The following SUPT3H variants were observed in gnomAD, a reference collection of about 807,000 sequenced individuals.
SUPT3H encodes the protein transcription initiation protein SPT3 homolog.
A neutral mutation model predicts 44.3 loss-of-function variants in SUPT3H; 44 were observed. That is an observed-to-expected ratio of 0.99 (90% CI 0.78 to 1.28). The LOEUF is 1.28. SUPT3H is among the 50% of genes most tolerant of loss of function. The pLI is 0.00. For synonymous variants in SUPT3H, 124 were observed against 125.6 expected, an observed-to-expected ratio of 0.99 and a Z score of 0.09; for missense variants, 380 against 387.1, an observed-to-expected ratio of 0.98 and a Z score of 0.15.
At chr6:45,347,429 A>G (rs1402925574) in intron 2 of SUPT3H, among the ~76,000 whole-genome samples, 1 of 152,170 alleles carries the variant, frequency 6.6e-6, no homozygotes, top group Non-Finnish European at 1.5e-5. Context: ...AAATACCTCA[A>G]CATAAATCAC....
chr6:45,334,856 TA>T (rs1235948901), intron 2 of SUPT3H, among the ~76,000 whole-genome samples: 3 of 151,230 alleles, frequency 2.0e-5, no homozygotes, highest in Non-Finnish European at 4.5e-5. Context: ...TGTCAATCTA[TA>T]AAACCAGTAA....
chr6:44,814,558 T>TGTAA (rs1227541318), intron 11 of SUPT3H, among the ~76,000 whole-genome samples: 1 of 152,228 alleles, frequency 6.6e-6, no homozygotes, highest in East Asian at 1.9e-4. Context: ...GTTCCCTGTC[T>TGTAA]GTAAGTCTTA....
chr6:45,186,201 C>T (rs1814185733), intron 2 of SUPT3H, among the ~76,000 whole-genome samples: 1 of 152,084 alleles, frequency 6.6e-6, no homozygotes, highest in Admixed American at 6.6e-5. Context: ...ACTCACCTAG[C>T]CCTCATGTTA....
In SUPT3H at chr6:44,930,921, TATACTA is replaced by T. The variant is rs576269299; in HGVS notation, c.912+1726_912+1731del. ...GCTAGCTTAAAGTGCATTTTTATCA[TATACTA>T]ATACTAACAGTCTTAGATTGTAAAA... On this transcript the variant is annotated intron_variant, in intron 10 of 10. Transcript: ENST00000371459. 2.2e-3 allele frequency among the ~76,000 whole-genome samples: 331 copies of T among 152,332 alleles called. 1 individual carries two copies. The highest frequency in any genetic ancestry group is 7.6e-3 in the African/African-American group (316 of 41,570).
At position 44,945,616 on chromosome 6, in the gene SUPT3H, C is replaced by A. The variant is rs139041887; in HGVS notation, c.801+7694G>T. Reference sequence around the variant, plus strand: ...GCCATGACATTTCCTTAAGTCAAAGCCTAATCCAGAGCAAGGTGCTAACTC... The same window carrying A: ...GCCATGACATTTCCTTAAGTCAAAGACTAATCCAGAGCAAGGTGCTAACTC... On this transcript the variant is annotated intron_variant, in intron 9 of 10. Transcript: ENST00000371459. Among the ~76,000 whole-genome samples, 261 of 152,226 alleles carry A rather than the reference C, an allele frequency of 1.7e-3. 1 individual carries two copies. Among genetic ancestry groups the A allele is most frequent in the Non-Finnish European group, 3.0e-3 (207 of 67,998 alleles).
intron 2 of SUPT3H, among the ~76,000 whole-genome samples, chr6:45,197,471 C>A (rs1285013): frequency 0.38 from 57,727 of 150,916 alleles, 11,618 homozygotes; most frequent in Non-Finnish European, 0.45. Context: ...AAACATTTTT[C>A]AAAGATCAGT....
chr6:45,351,167 T>C (rs1275628369), intron 2 of SUPT3H, among the ~76,000 whole-genome samples: 1 of 152,110 alleles, frequency 6.6e-6, no homozygotes, highest in African/African-American at 2.4e-5. Context: ...AGGACCACTG[T>C]AATAGCTGGT....
At chr6:44,998,410 A>T (rs1781549254) in intron 6 of SUPT3H, among the ~76,000 whole-genome samples, 1 of 151,992 alleles carries the variant, frequency 6.6e-6, no homozygotes, top group African/African-American at 2.4e-5. Flanking sequence ...TTACTAAATT[A>T]TCGAGCATCT....
intron 2 of SUPT3H, among the ~76,000 whole-genome samples, chr6:45,290,673 A>C (rs1390590992): frequency 6.6e-6 from 1 of 152,200 alleles, no homozygotes; most frequent in African/African-American, 2.4e-5. Flanking sequence ...ATTCAAAGCT[A>C]AAAGCAGAGT....
At chr6:44,830,354 A>G (rs1233827750) in intron 10 of SUPT3H, among the ~76,000 whole-genome samples, 1 of 152,170 alleles carries the variant, frequency 6.6e-6, no homozygotes, top group Non-Finnish European at 1.5e-5. Context: ...ATGATCTCAA[A>G]GGAGTTCTGT....
Position 44,954,557 on chromosome 6 carries a change from T to G in SUPT3H, c.631A>C (p.Ile211Leu), listed in dbSNP as rs533375140. Reference sequence around the variant, plus strand: ...TCCATTGCGACAACATTGGGTTTTATCTCCATACTGCTGCAGTCCAACCAG... The same window carrying G: ...TCCATTGCGACAACATTGGGTTTTAGCTCCATACTGCTGCAGTCCAACCAG... The part of the protein sequence containing the change: ...RDWLDCSSME[I>L]KPNVVAMEIL... Residue 211 changes from isoleucine (I) to leucine (L), a missense_variant, in exon 8 of 11, where the codon ATA becomes CTA. Transcript: ENST00000371459. The G allele has an allele frequency of 2.5e-6, 4 of 1,614,150 alleles. No homozygotes were observed. The South Asian group carries it at 4.4e-5, about 18-fold the overall frequency.
chr6:45,222,864 G>A (rs1243814575), intron 2 of SUPT3H, among the ~76,000 whole-genome samples: 1 of 152,060 alleles, frequency 6.6e-6, no homozygotes, highest in South Asian at 2.1e-4. Context: ...TATCAATAAA[G>A]AGCTAATAAC....
intron 2 of SUPT3H, among the ~76,000 whole-genome samples, chr6:45,277,385 C>T (rs571041534): frequency 1.3e-5 from 2 of 151,998 alleles, no homozygotes; most frequent in Non-Finnish European, 2.9e-5. Context: ...CTACAATAAA[C>T]GTACAGGTTT....
At chr6:44,878,621 G>A (rs1034639084) in intron 10 of SUPT3H, among the ~76,000 whole-genome samples, 15 of 152,086 alleles carry the variant, frequency 9.9e-5, no homozygotes, top group African/African-American at 3.4e-4. Flanking sequence ...AGCTGCTCTC[G>A]GGTGTGGATG....
chr6:45,282,767 C>T (rs921663278), intron 2 of SUPT3H, among the ~76,000 whole-genome samples: 5 of 152,070 alleles, frequency 3.3e-5, no homozygotes, highest in African/African-American at 1.2e-4. Context: ...AAGAGCAACT[C>T]CAAGACACAT....
intron 2 of SUPT3H, among the ~76,000 whole-genome samples, chr6:45,136,591 AAC>A (rs1222706314): frequency 6.6e-6 from 1 of 152,028 alleles, no homozygotes; most frequent in Non-Finnish European, 1.5e-5. Context: ...ATGGAATATC[AAC>A]AGAGACATTA....
intron 3 of SUPT3H, among the ~76,000 whole-genome samples, chr6:45,083,696 T>A: frequency 2.0e-5 from 3 of 147,632 alleles, no homozygotes; most frequent in South Asian, 2.1e-4. Flanking sequence ...TTCATAAGGG[T>A]ACAGTAAAAA....
chr6:44,901,818 T>G (rs1167092350), intron 10 of SUPT3H, among the ~76,000 whole-genome samples: 2 of 151,892 alleles, frequency 1.3e-5, no homozygotes, highest in African/African-American at 4.8e-5. Flanking sequence ...GACTAACAGC[T>G]GATCTCTCAC....
chr6:44,932,765 T>C lies in SUPT3H; in HGVS notation c.802-2A>G. Reference sequence around the variant, plus strand: ...CTCAACACCACAGGCTGCAGTGCTCTGCGACAGAAAAACACATAAATTGTT... The same window carrying C: ...CTCAACACCACAGGCTGCAGTGCTCCGCGACAGAAAAACACATAAATTGTT... On this transcript the variant is annotated splice_acceptor_variant, in intron 9 of 10. Coordinates refer to ENST00000371459, the MANE Select transcript of SUPT3H (RefSeq NM_003599.4). LOFTEE classifies it high-confidence loss of function. 1.3e-6 allele frequency: 2 copies of C among 1,590,300 alleles called. No individual in the cohort carries two copies. The highest frequency in any genetic ancestry group is 1.8e-5 in the Admixed American group (1 of 54,278).
Sources: gnomAD v4.1 joint callset for allele counts (sites outside exome capture counted in the v4.1 genomes callset) on GRCh38, gnomAD v4.1.1 for gene constraint, MANE v1.5 for transcripts, NCBI Gene and HGNC (gene_info 2026-07-23, HGNC 2026-07-21) for gene names.